MACF1: variants seen among roughly 807,000 people sequenced by gnomAD.
MACF1 encodes the protein microtubule actin crosslinking factor 1.
Under a neutral mutation model 854.8 loss-of-function variants are expected in MACF1, and 193 were observed. The ratio of observed to expected loss-of-function variants is 0.23; its 90% CI spans 0.20 to 0.25. MACF1 has a LOEUF of 0.25. Among genes scored for constraint, MACF1 ranks in the 10% least tolerant of loss-of-function variants. The pLI is 1.00. For synonymous variants in MACF1, 3,185 were observed against 3,226.7 expected, an observed-to-expected ratio of 0.99 and a Z score of 0.44; for missense variants, 7,722 against 8,929.1, an observed-to-expected ratio of 0.86 and a Z score of 5.45.
At chr1:39,414,172 C>T in intron 58 of MACF1, 1 of 1,612,598 alleles carries the variant, frequency 6.2e-7, no homozygotes, top group Non-Finnish European at 8.5e-7. Context: ...AGTGCCCACC[C>T]CAGAGGTGGC....
intron 20 of MACF1, among the ~76,000 whole-genome samples, chr1:39,296,999 C>T (rs1645932814): frequency 6.6e-6 from 1 of 151,996 alleles, no homozygotes; most frequent in South Asian, 2.1e-4. Context: ...TCTCTGCTCA[C>T]TGCAAACTCC....
chr1:39,234,642 G>A (rs1644833264), intron 2 of MACF1, among the ~76,000 whole-genome samples: 1 of 69,776 alleles, frequency 1.4e-5, no homozygotes, highest in Non-Finnish European at 2.9e-5. Flanking sequence ...CCGGGCGGGG[G>A]GCTGACCCCC....
At chr1:39,442,616 A>T in intron 77 of MACF1, 49 bp downstream of exon 77, 1 of 1,611,548 alleles carries the variant, frequency 6.2e-7, no homozygotes, top group Non-Finnish European at 8.5e-7. Flanking sequence ...TTGAGACCAG[A>T]TGCTGCCACC....
intron 2 of MACF1, among the ~76,000 whole-genome samples, chr1:39,176,268 ACT>A (rs1158050235): frequency 3.9e-5 from 4 of 102,698 alleles, no homozygotes; most frequent in Non-Finnish European, 8.2e-5. Context: ...GCAGAGTGAG[ACT>A]CTGTCTCCAA....
Position 39,429,974 on chromosome 1 carries a change from C to T in MACF1, c.17036C>T (p.Thr5679Ile), listed in dbSNP as rs367931654. ...TKFQSTYEEL[T>I]GWLREVEEEL... ...TTCCAGTCTACTTATGAGGAACTGA[C>T]CGGGTGGCTGAGGGAGGTGGAGGAG... Residue 5679 changes from threonine (T) to isoleucine (I), a missense_variant, in exon 65 of 101, where the codon ACC (threonine) becomes ATC (isoleucine). Coordinates refer to ENST00000564288, the MANE Select transcript of MACF1 (RefSeq NM_001394062.1). 6.2e-7 allele frequency: 1 copy of T among 1,613,676 alleles called. No homozygotes were observed. Among genetic ancestry groups the T allele is most frequent in the African/African-American group, 1.3e-5 (1 of 74,910 alleles).
intron 58 of MACF1, among the ~76,000 whole-genome samples, chr1:39,408,140 A>G (rs1182390628): frequency 6.6e-6 from 1 of 152,166 alleles, no homozygotes; most frequent in Non-Finnish European, 1.5e-5. Flanking sequence ...GTGCGCAACT[A>G]TAAAGGACCC....
intron 2 of MACF1, among the ~76,000 whole-genome samples, chr1:39,140,740 C>G (rs1332131061): frequency 6.6e-6 from 1 of 151,900 alleles, no homozygotes; most frequent in Non-Finnish European, 1.5e-5. Context: ...CATGGTGAAA[C>G]CCCGTCTCTA....
At chr1:39,474,739 G>A (rs1263006314) in intron 97 of MACF1, among the ~76,000 whole-genome samples, 1 of 152,176 alleles carries the variant, frequency 6.6e-6, no homozygotes, top group East Asian at 1.9e-4. Context: ...GTGTATAAGT[G>A]TATGTGTGTA....
At chr1:39,103,899 C>G (rs2282231) in intron 2 of MACF1, among the ~76,000 whole-genome samples, 1 of 152,038 alleles carries the variant, frequency 6.6e-6, no homozygotes, top group Non-Finnish European at 1.5e-5. Context: ...CACCTATTAG[C>G]GAAAAGCGTC....
At chr1:39,376,226 T>C (rs1271287449) in intron 52 of MACF1, among the ~76,000 whole-genome samples, 11 of 152,230 alleles carry the variant, frequency 7.2e-5, no homozygotes, top group Admixed American at 6.5e-4. Flanking sequence ...TTTATTATCA[T>C]TTCTAAGTAC....
intron 32 of MACF1, 31 bp from the exon 33 acceptor site, chr1:39,322,879 G>T (rs531794912): frequency 2.5e-6 from 4 of 1,587,020 alleles, no homozygotes; most frequent in Non-Finnish European, 3.5e-6. Flanking sequence ...TCTGGCAGAC[G>T]ATTTATTTAA....
chr1:39,422,992 TTTAGTAGAATCC>T, intron 60 of MACF1, 92 bp downstream of exon 60: 1 of 1,148,610 alleles, frequency 8.7e-7, no homozygotes, highest in Non-Finnish European at 1.2e-6. Context: ...GTTCAGGAGT[TTTAGTAGAATCC>T]TAAACTACTT....
chr1:39,301,776 A>G (rs371722274), intron 22 of MACF1, among the ~76,000 whole-genome samples: 2 of 151,978 alleles, frequency 1.3e-5, no homozygotes, highest in South Asian at 2.1e-4. Context: ...TAAATCTTAT[A>G]ATAATTACTC....
intron 58 of MACF1, among the ~76,000 whole-genome samples, chr1:39,406,629 G>A (rs942098651): frequency 1.3e-5 from 2 of 151,516 alleles, no homozygotes; most frequent in Admixed American, 1.3e-4. Flanking sequence ...CAGCTATTGG[G>A]GAGGCTGAGG....
intron 87 of MACF1, 116 bp downstream of exon 87, chr1:39,452,928 A>C: frequency 4.9e-6 from 6 of 1,230,132 alleles, no homozygotes; most frequent in Non-Finnish European, 5.7e-6. Flanking sequence ...AAAAGGAACA[A>C]AACCAGAGTG....
At chr1:39,392,057 T>G (rs1306940482) in intron 58 of MACF1, among the ~76,000 whole-genome samples, 5 of 152,156 alleles carry the variant, frequency 3.3e-5, no homozygotes, top group African/African-American at 1.2e-4. Context: ...ATGATCAGTA[T>G]CCACCCTCAA....
chr1:39,418,709 C>T (rs1184973732), intron 58 of MACF1, among the ~76,000 whole-genome samples: 5 of 151,970 alleles, frequency 3.3e-5, no homozygotes, highest in African/African-American at 9.7e-5. Flanking sequence ...CCAAAAAATA[C>T]AAAATTAGCT....
At chr1:39,453,954 A>G in intron 88 of MACF1, 104 bp downstream of exon 88, 1 of 1,341,330 alleles carries the variant, frequency 7.5e-7, no homozygotes, top group Non-Finnish European at 1.0e-6. Context: ...CTCACTGTGA[A>G]TAACTCAGCA....
chr1:39,346,880 A>G (rs1235847233), intron 40 of MACF1, 97 bp from the exon 41 acceptor site: 1 of 792,018 alleles, frequency 1.3e-6, no homozygotes, highest in African/African-American at 1.7e-5. Context: ...AAAATACAGG[A>G]AATTAGCCTC....
Sources: gnomAD v4.1 joint callset for allele counts (sites outside exome capture counted in the v4.1 genomes callset) on GRCh38, gnomAD v4.1.1 for gene constraint, MANE v1.5 for transcripts, NCBI Gene and HGNC (gene_info 2026-07-23, HGNC 2026-07-21) for gene names.